Variants in ANK3 observed in about 807,000 individuals in gnomAD.
ANK3 encodes the protein ankyrin-3.
In ANK3, 57 loss-of-function variants were observed where a neutral mutation model predicts 370.9. The ratio of observed to expected loss-of-function variants is 0.15; its 90% CI spans 0.12 to 0.19. The LOEUF (loss-of-function observed/expected upper bound fraction) is 0.19, where lower values mean the gene tolerates loss of function less well. Ranked by LOEUF, ANK3 falls within the 10% of genes least tolerant of loss-of-function variation. The pLI, the probability that ANK3 is intolerant of heterozygous loss-of-function variation, is 1.00. For missense variants in ANK3, 4,439 were observed against 5,302.1 expected (o/e 0.84, Z 5.06); for synonymous variants, 1,929 against 1,946.3 (o/e 0.99, Z 0.23).
At chr10:60,629,136 T>C (rs978435403) in intron 1 of ANK3, among the ~76,000 whole-genome samples, 12 of 152,162 alleles carry the variant, frequency 7.9e-5, no homozygotes, top group African/African-American at 1.2e-4. Flanking sequence ...CTTTATCTTC[T>C]AACATGTACC....
intron 4 of ANK3, among the ~76,000 whole-genome samples, chr10:60,275,724 A>G (rs1252609038): frequency 3.3e-5 from 5 of 152,260 alleles, no homozygotes; most frequent in Admixed American, 2.6e-4. Context: ...GCTAACCTAA[A>G]GGGTCTTACC....
At chr10:60,462,058 T>G (rs1191114733) in intron 2 of ANK3, among the ~76,000 whole-genome samples, 1 of 152,086 alleles carries the variant, frequency 6.6e-6, no homozygotes, top group Non-Finnish European at 1.5e-5. Flanking sequence ...AAGAAGAGAT[T>G]TACTAAACTA....
chr10:60,702,177 A>G (rs1486898492), intron 1 of ANK3, among the ~76,000 whole-genome samples: 1 of 151,938 alleles, frequency 6.6e-6, no homozygotes, highest in Non-Finnish European at 1.5e-5. Flanking sequence ...GAGGTAGGAG[A>G]ATCACTTGAG....
In ANK3 at chr10:60,338,959, C is replaced by G. The variant is rs192420126; in HGVS notation, c.114+50466G>C. Among the ~76,000 whole-genome samples the G allele has an allele frequency of 4.3e-3, 647 of 152,162 alleles. 15 individuals carry two copies. Among genetic ancestry groups the G allele is most frequent in the Admixed American group, 0.04 (611 of 15,280 alleles). ...TAGGAGCCGTATTTGGGTCTGGAAGCCATGAAGTCTTGGGGAGAGCTTCAC... is the reference window on the plus strand; with the variant it reads ...TAGGAGCCGTATTTGGGTCTGGAAGGCATGAAGTCTTGGGGAGAGCTTCAC... On this transcript the variant is annotated intron_variant, in intron 1 of 43. Transcript: ENST00000280772.
intron 1 of ANK3, among the ~76,000 whole-genome samples, chr10:60,726,126 C>G (rs2079937036): frequency 6.6e-6 from 1 of 152,106 alleles, no homozygotes; most frequent in Non-Finnish European, 1.5e-5. Context: ...ATTTATTGAT[C>G]ATCTACTATA....
At position 60,026,889 on chromosome 10, in the gene ANK3, T is replaced by C. The variant is rs573935494; in HGVS notation, c.*2957A>G. 1 of 152,304 alleles carries C rather than the reference T, an allele frequency of 6.6e-6. No homozygotes were observed. The highest frequency in any genetic ancestry group is 2.4e-5 in the African/African-American group (1 of 41,562). The allele number at this position is 152,304 out of a possible 1,614,324, so 9.4% of individuals were successfully genotyped here. A position where few individuals can be genotyped will look rare whatever the true frequency, so the allele number is the denominator to read the frequency against. On this transcript the variant is annotated 3_prime_UTR_variant, in exon 44 of 44. Coordinates refer to ENST00000280772, the MANE Select transcript of ANK3 (RefSeq NM_020987.5). ...TCATAATTCATTTTTTACAGTAATG[T>C]CAATCAATGAAAAGCTTAAATACAT... is the stretch of plus-strand genomic sequence containing the variant.
In ANK3 at chr10:60,262,012, C is replaced by T. The variant is rs1398325902; in HGVS notation, c.700-55G>A. 13 of 1,455,512 alleles carry T rather than the reference C, an allele frequency of 8.9e-6. 1 individual carries two copies. In the Middle Eastern group the frequency reaches 5.2e-4, roughly 58 times the overall value. 90.2% of individuals were successfully genotyped at this position (1,455,512 alleles called of 1,614,324 possible). On this transcript the variant is annotated intron_variant, in intron 6 of 43. Transcript: ENST00000280772. ...TGATTCCTGCCAGCCCCCTGCCTGA[C>T]AGGCAAATATCATAACCCTGCCCAA... is the stretch of plus-strand genomic sequence containing the variant.
chr10:60,444,485 C>T (rs1461926188), intron 2 of ANK3, among the ~76,000 whole-genome samples: 1 of 150,682 alleles, frequency 6.6e-6, no homozygotes, highest in Non-Finnish European at 1.5e-5. Context: ...AAAGGAGATA[C>T]AGACTGGACA....
chr10:60,535,519 C>T (rs962734557), intron 2 of ANK3, among the ~76,000 whole-genome samples: 1 of 151,978 alleles, frequency 6.6e-6, no homozygotes, highest in African/African-American at 2.4e-5. Flanking sequence ...ATTCAGGCAG[C>T]CTAATGTTAC....
intron 5 of ANK3, among the ~76,000 whole-genome samples, chr10:60,267,183 G>T (rs370773968): frequency 2.0e-5 from 3 of 152,100 alleles, no homozygotes; most frequent in Non-Finnish European, 4.4e-5. Flanking sequence ...GCTATTTAAA[G>T]GATCCTTTAA....
intron 2 of ANK3, among the ~76,000 whole-genome samples, chr10:60,541,100 C>T (rs931530825): frequency 2.0e-5 from 3 of 151,574 alleles, no homozygotes; most frequent in Non-Finnish European, 4.4e-5. Context: ...GAGCAAAACA[C>T]ACTGACAAAT....
chr10:60,661,499 A>C (rs1231257838), intron 1 of ANK3, among the ~76,000 whole-genome samples: 1 of 152,092 alleles, frequency 6.6e-6, no homozygotes, highest in African/African-American at 2.4e-5. Flanking sequence ...CCTTTTCTTT[A>C]GCCTATACAA....
intron 2 of ANK3, among the ~76,000 whole-genome samples, chr10:60,495,255 T>C (rs1409328029): frequency 6.6e-6 from 1 of 152,206 alleles, no homozygotes; most frequent in Non-Finnish European, 1.5e-5. Flanking sequence ...GTAAGATCCC[T>C]GAGGTTAAGG....
intron 30 of ANK3, among the ~76,000 whole-genome samples, chr10:60,085,545 T>C (rs776208640): frequency 7.2e-4 from 109 of 152,102 alleles, no homozygotes; most frequent in Non-Finnish European, 1.3e-3. Context: ...TATAAGTATA[T>C]TTTATAAATG....
chr10:60,413,072 A>G (rs1320193063), intron 2 of ANK3, among the ~76,000 whole-genome samples: 1 of 152,236 alleles, frequency 6.6e-6, no homozygotes, highest in Non-Finnish European at 1.5e-5. Context: ...CTGAACTGTA[A>G]AGTGTAAAAT....
At chr10:60,217,297 T>C (rs2096954947) in intron 8 of ANK3, among the ~76,000 whole-genome samples, 1 of 152,154 alleles carries the variant, frequency 6.6e-6, no homozygotes, top group South Asian at 2.1e-4. Context: ...TGTCTTCTGC[T>C]AGCTTTTGGA....
chr10:60,726,213 TA>T (rs936693590), intron 1 of ANK3, among the ~76,000 whole-genome samples: 4 of 151,004 alleles, frequency 2.6e-5, no homozygotes, highest in South Asian at 4.2e-4. Flanking sequence ...ATCCTTCATA[TA>T]AAAAAAAACA....
At chr10:60,213,612 A>T (rs1323047309) in intron 8 of ANK3, 102 bp from the exon 9 acceptor site, 2 of 603,172 alleles carry the variant, frequency 3.3e-6, no homozygotes, top group Non-Finnish European at 5.3e-6. Flanking sequence ...TGCTGTGGTC[A>T]AGCGGGCTTC....
intron 8 of ANK3, among the ~76,000 whole-genome samples, chr10:60,231,680 A>C (rs1465022289): frequency 6.6e-6 from 1 of 152,178 alleles, no homozygotes; most frequent in Non-Finnish European, 1.5e-5. Flanking sequence ...GAGAAGGGAC[A>C]TTTTGATGAA....
Sources: gnomAD v4.1 joint callset for allele counts (sites outside exome capture counted in the v4.1 genomes callset) on GRCh38, gnomAD v4.1.1 for gene constraint, MANE v1.5 for transcripts, NCBI Gene and HGNC (gene_info 2026-07-23, HGNC 2026-07-21) for gene names.